The following VCPKMT variants were observed in gnomAD, a reference collection of about 807,000 sequenced individuals.
VCPKMT encodes protein N-lysine methyltransferase METTL21D.
Under a neutral mutation model 28.6 loss-of-function variants are expected in VCPKMT, and 32 were observed. The observed-to-expected ratio is 1.12, with a 90% CI of 0.84 to 1.50. The LOEUF is 1.50. VCPKMT is among the 40% of genes most tolerant of loss of function. The probability of loss-of-function intolerance (pLI) is 0.00; values close to 1 mark genes in which losing one functional copy is unlikely to be tolerated. For synonymous variants in VCPKMT, 138 were observed against 111.4 expected (o/e 1.24, Z -1.50); for missense variants, 366 against 285.0 (o/e 1.28, Z -2.05).
At chr14:50,103,659 G>C (rs759217261), downstream of VCPKMT, among the ~76,000 whole-genome samples, 3 of 152,112 alleles carry the variant, frequency 2.0e-5, no homozygotes, top group African/African-American at 4.8e-5. Context: ...AAAATGAACA[G>C]TGAACAAAAA....
At chr14:50,106,403 T>TA (rs1453605110), downstream of VCPKMT, among the ~76,000 whole-genome samples, 1 of 152,232 alleles carries the variant, frequency 6.6e-6, no homozygotes, top group African/African-American at 2.4e-5. Context: ...ATTTGGGAAT[T>TA]AGCTGTGTCC....
intron 4 of VCPKMT, among the ~76,000 whole-genome samples, chr14:50,113,769 G>C (rs1402276078): frequency 7.9e-6 from 1 of 127,334 alleles, no homozygotes; most frequent in Admixed American, 9.4e-5. Flanking sequence ...GGTGGTACAT[G>C]CCTATAGTCC....
Position 50,115,923 on chromosome 14 carries a change from CA to C in VCPKMT, c.378-13del. 2 of 1,612,852 alleles carry C rather than the reference CA, an allele frequency of 1.2e-6. No homozygotes were observed. The highest frequency in any genetic ancestry group is 2.2e-5 in the South Asian group (2 of 90,962). On this transcript the variant is annotated splice_polypyrimidine_tract_variant and intron_variant, in intron 2 of 5. Coordinates refer to ENST00000395860, the MANE Select transcript of VCPKMT (RefSeq NM_024558.3). ...CTATTTCTTCCCCCCTTAAAAATGC[CA>C]AACAAATATTTCAATTGTTTTAATA... is the stretch of plus-strand genomic sequence containing the variant.
Position 50,108,864 on chromosome 14 carries a change from T to A in VCPKMT, c.*835A>T. ...CTACATTTGTAGTTATTCAAAAACCTTTCACTGCTTCATGTAAACAATACC... is the reference window on the plus strand; with the variant it reads ...CTACATTTGTAGTTATTCAAAAACCATTCACTGCTTCATGTAAACAATACC... On this transcript the variant is annotated 3_prime_UTR_variant, in exon 6 of 6. Transcript: ENST00000395860. 4.1e-6 allele frequency: 4 copies of A among 985,450 alleles called. No homozygotes were observed. The highest frequency in any genetic ancestry group is 4.8e-6 in the Non-Finnish European group (4 of 829,934). 61.0% of individuals were successfully genotyped at this position (985,450 alleles called of 1,614,324 possible).
In VCPKMT at chr14:50,114,236, C is replaced by T. The variant is rs74328378; in HGVS notation, c.570+49G>A. ...ATATACTTGAAGAGTCACATACAGC[C>T]CCCCTGAAGGGAAATCACTACAAAG... is the stretch of plus-strand genomic sequence containing the variant. On this transcript the variant is annotated intron_variant, in intron 4 of 5. Transcript: ENST00000395860. 1,393 of 1,431,340 alleles carry T rather than the reference C, an allele frequency of 9.7e-4. 22 individuals are homozygous for T. The East Asian group carries it at 0.033, about 34-fold the overall frequency. 88.7% of individuals were successfully genotyped at this position (1,431,340 alleles called of 1,614,324 possible). A position where few individuals can be genotyped will look rare whatever the true frequency, so the allele number is the denominator to read the frequency against.
chr14:50,109,522 AG>A lies in VCPKMT; in HGVS notation c.*176del, dbSNP rs1882493046. The stretch of plus-strand genomic sequence containing the variant: ...GCCATTGGCAGGCAGGCAGGCAAGC[AG>A]GAATTTTTCGTATTGCAGACAGCCC... On this transcript the variant is annotated 3_prime_UTR_variant, in exon 6 of 6. Coordinates refer to ENST00000395860, the MANE Select transcript of VCPKMT (RefSeq NM_024558.3). 17 of 1,314,534 alleles carry A rather than the reference AG, an allele frequency of 1.3e-5. No homozygotes were observed. The highest frequency in any genetic ancestry group is 1.6e-5 in the Non-Finnish European group (17 of 1,034,510). The allele number at this position is 1,314,534 out of a possible 1,614,324, so 81.4% of individuals were successfully genotyped here. A position where few individuals can be genotyped will look rare whatever the true frequency, so the allele number is the denominator to read the frequency against.
At chr14:50,111,442 CA>C (rs1230542346) in intron 5 of VCPKMT, 3 of 985,416 alleles carry the variant, frequency 3.0e-6, no homozygotes, top group African/African-American at 1.7e-5. Context: ...TTCATATAAT[CA>C]GAAAACTTTA....
intron 3 of VCPKMT, among the ~76,000 whole-genome samples, chr14:50,115,492 C>G (rs1379123737): frequency 1.3e-5 from 2 of 152,184 alleles, no homozygotes; most frequent in Non-Finnish European, 2.9e-5. Context: ...TTATTTATAA[C>G]TTAATTCTCA....
chr14:50,111,081 A>G, intron 5 of VCPKMT: 1 of 696,970 alleles, frequency 1.4e-6, no homozygotes, highest in Non-Finnish European at 1.8e-6. Flanking sequence ...TTACACAACT[A>G]TGTGAATATA....
chr14:50,116,263 T>TACC, intron 1 of VCPKMT, 24 bp downstream of exon 1: 1 of 1,528,254 alleles, frequency 6.5e-7, no homozygotes. Context: ...CGCCCCCACA[T>TACC]CCCGCCCGCC....
At chr14:50,111,746 C>A in intron 5 of VCPKMT, 1 of 597,248 alleles carries the variant, frequency 1.7e-6, no homozygotes, top group Non-Finnish European at 2.1e-6. Context: ...ATTAGCTGGG[C>A]ATGGTGGTGC....
At chr14:50,103,218 T>C in the VCPKMT span, among the ~76,000 whole-genome samples, 1 of 152,186 alleles carries the variant, frequency 6.6e-6, no homozygotes, top group East Asian at 1.9e-4. Context: ...TCCAAGGTTT[T>C]GTCATTCTTG....
At chr14:50,112,087 T>C (rs1882700947) in intron 5 of VCPKMT, 1 of 984,160 alleles carries the variant, frequency 1.0e-6, no homozygotes, top group Non-Finnish European at 1.2e-6. Flanking sequence ...TTTCATTTCC[T>C]GTAAACAATT....
intron 3 of VCPKMT, among the ~76,000 whole-genome samples, chr14:50,115,118 G>A (rs942733122): frequency 3.4e-5 from 5 of 148,698 alleles, no homozygotes; most frequent in African/African-American, 5.0e-5. Context: ...TAAAATAATC[G>A]ATGCCCACAA....
rs778003170 is a variant in VCPKMT, at chr14:50,112,647, T to C, written c.643A>G (p.Ile215Val). The C allele has an allele frequency of 6.4e-7, 1 of 1,568,056 alleles. No homozygotes were observed. The highest frequency in any genetic ancestry group is 8.7e-7 in the Non-Finnish European group (1 of 1,152,710). Residue 215 changes from isoleucine to valine, a missense_variant, in exon 5 of 6, where the codon ATT (isoleucine) becomes GTT (valine). Transcript: ENST00000395860. ...TTCTTTCTGATGTATATAATATGAA[T>C]ATCTTCACTTCGATACTCTTCATCA... ...KHDEEYRSED[I>V]HIIYIRKKKS...
At chr14:50,116,262 A>G (rs1334464192) in intron 1 of VCPKMT, 25 bp downstream of exon 1, 2 of 1,606,154 alleles carry the variant, frequency 1.2e-6, no homozygotes, top group Non-Finnish European at 1.7e-6. Flanking sequence ...GCGCCCCCAC[A>G]TCCCGCCCGC....
chr14:50,112,751 C>CA, intron 4 of VCPKMT, 32 bp from the exon 5 acceptor site: 1 of 1,421,828 alleles, frequency 7.0e-7, no homozygotes, highest in Non-Finnish European at 9.6e-7. Context: ...ACTTCAAATT[C>CA]AATAATATGA....
At position 50,112,666 on chromosome 14, in the gene VCPKMT, TTCA is replaced by T. The variant is rs746469272; in HGVS notation, c.621_623del (p.Asp207del). ...TATGAATATCTTCACTTCGATACTC[TTCA>T]TCATGTTTTTCCAAAGGAATTTTTT... On this transcript the variant is annotated inframe_deletion, in exon 5 of 6. Transcript: ENST00000395860. 5.1e-6 allele frequency: 8 copies of T among 1,576,466 alleles called. No homozygotes were observed. In the South Asian group the frequency reaches 5.8e-5, roughly 11 times the overall value.
chr14:50,110,056 C>T (rs1336617589), intron 5 of VCPKMT, among the ~76,000 whole-genome samples: 4 of 152,080 alleles, frequency 2.6e-5, no homozygotes, highest in African/African-American at 7.2e-5. Flanking sequence ...ACAAGCCTGG[C>T]CAACCTAGTG....
Sources: gnomAD v4.1 joint callset for allele counts (sites outside exome capture counted in the v4.1 genomes callset) on GRCh38, gnomAD v4.1.1 for gene constraint, MANE v1.5 for transcripts, NCBI Gene and HGNC (gene_info 2026-07-23, HGNC 2026-07-21) for gene names.